The following KIF13B variants were observed in gnomAD, a reference collection of about 807,000 sequenced individuals.
The protein encoded by KIF13B is kinesin family member 13B.
A neutral mutation model predicts 222.0 loss-of-function variants in KIF13B; 127 were observed. That is an observed-to-expected ratio of 0.57 (90% CI 0.50 to 0.66). The LOEUF (loss-of-function observed/expected upper bound fraction) is 0.66. Ranked by LOEUF, KIF13B falls within the 30% of genes least tolerant of loss-of-function variation. The probability of loss-of-function intolerance (pLI) is 0.00; values close to 1 mark genes in which losing one functional copy is unlikely to be tolerated. For synonymous variants in KIF13B, 976 were observed against 919.0 expected (o/e 1.06, Z -1.12); for missense variants, 2,173 against 2,379.0 (o/e 0.91, Z 1.80).
At chr8:29,148,858 T>A in intron 15 of KIF13B, 91 bp from the exon 16 acceptor site, 1 of 978,210 alleles carries the variant, frequency 1.0e-6, no homozygotes, top group South Asian at 1.8e-5. Context: ...AGAAGCCAAG[T>A]GGATACCATG....
At chr8:29,104,040 T>C (rs1218238287) in intron 35 of KIF13B, among the ~76,000 whole-genome samples, 1 of 152,034 alleles carries the variant, frequency 6.6e-6, no homozygotes, top group Non-Finnish European at 1.5e-5. Flanking sequence ...GATGGAGTCC[T>C]TCCTAAAACA....
At chr8:29,177,015 A>T (rs1038920230) in intron 9 of KIF13B, among the ~76,000 whole-genome samples, 1 of 152,350 alleles carries the variant, frequency 6.6e-6, no homozygotes, top group East Asian at 1.9e-4. Context: ...ACTCTGAGAG[A>T]CCAATTAGCT....
intron 1 of KIF13B, among the ~76,000 whole-genome samples, chr8:29,247,343 G>A (rs1411590374): frequency 6.6e-6 from 1 of 152,170 alleles, no homozygotes; most frequent in Non-Finnish European, 1.5e-5. Context: ...AGCTATGAGT[G>A]TGCCACTGCA....
In KIF13B at chr8:29,126,468, A is replaced by T; in HGVS notation, c.3252+14T>A. 1 of 1,510,650 alleles carries T rather than the reference A, an allele frequency of 6.6e-7. No individual in the cohort carries two copies. Among genetic ancestry groups the T allele is most frequent in the African/African-American group, 1.4e-5 (1 of 73,434 alleles). 93.6% of individuals were successfully genotyped at this position (1,510,650 alleles called of 1,614,324 possible). A position where few individuals can be genotyped will look rare whatever the true frequency, so the allele number is the denominator to read the frequency against. On this transcript the variant is annotated intron_variant, in intron 26 of 39. Coordinates refer to ENST00000524189, the MANE Select transcript of KIF13B (RefSeq NM_015254.4). ...CATGCTTATTTGAGATGAGATTAAC[A>T]GGTGCTAAATTACCTGGTAGCTGTC... is the stretch of plus-strand genomic sequence containing the variant.
At chr8:29,099,361 C>T (rs1808687061) in intron 35 of KIF13B, 120 bp from the exon 36 acceptor site, 1 of 681,820 alleles carries the variant, frequency 1.5e-6, no homozygotes, top group Non-Finnish European at 2.5e-6. Context: ...TGAATATAAG[C>T]TTGATTACAT....
chr8:29,083,229 T>G (rs536912930), intron 37 of KIF13B, among the ~76,000 whole-genome samples: 19 of 152,302 alleles, frequency 1.2e-4, no homozygotes, highest in Admixed American at 2.0e-4. Flanking sequence ...CAAAAGAATA[T>G]TTCATAACAT....
intron 1 of KIF13B, among the ~76,000 whole-genome samples, chr8:29,255,291 C>G (rs562140740): frequency 5.3e-5 from 8 of 152,144 alleles, no homozygotes; most frequent in African/African-American, 1.4e-4. Flanking sequence ...ATCTAAAAAC[C>G]AAGAAGAAAA....
intron 1 of KIF13B, among the ~76,000 whole-genome samples, chr8:29,257,136 G>C (rs1168800304): frequency 6.6e-6 from 1 of 152,120 alleles, no homozygotes; most frequent in Admixed American, 6.5e-5. Flanking sequence ...CAAATAGAAA[G>C]TTGTCAAAAA....
At chr8:29,092,372 TAAAATTGTTTGAA>T (rs1808339692) in intron 37 of KIF13B, among the ~76,000 whole-genome samples, 1 of 152,210 alleles carries the variant, frequency 6.6e-6, no homozygotes. Context: ...ACTCATGATA[TAAAATTGTTTGAA>T]AAAACAAATG....
intron 37 of KIF13B, among the ~76,000 whole-genome samples, 164 bp downstream of exon 37, chr8:29,092,581 A>G (rs1808348155): frequency 1.3e-5 from 2 of 152,190 alleles, no homozygotes; most frequent in African/African-American, 2.4e-5. Flanking sequence ...CAGCTCTGTT[A>G]TCTCTGAAGA....
At chr8:29,129,192 T>C (rs1183258270) in intron 24 of KIF13B, among the ~76,000 whole-genome samples, 1 of 152,228 alleles carries the variant, frequency 6.6e-6, no homozygotes, top group Admixed American at 6.5e-5. Flanking sequence ...TTGAACACTT[T>C]TAGTAAAGGG....
At chr8:29,150,261 C>T in intron 15 of KIF13B, 36 bp downstream of exon 15, 5 of 1,168,718 alleles carry the variant, frequency 4.3e-6, no homozygotes, top group Non-Finnish European at 6.3e-6. Flanking sequence ...GCACAATCTT[C>T]AACAATCTCT....
chr8:29,155,991 C>CA (rs1188771913), intron 13 of KIF13B, 135 bp from the exon 14 acceptor site: 2 of 613,362 alleles, frequency 3.3e-6, no homozygotes, highest in Non-Finnish European at 5.5e-6. Flanking sequence ...ATTTTTGAGA[C>CA]AGAGTCTTGC....
At chr8:29,176,761 A>G (rs1029746660) in intron 9 of KIF13B, among the ~76,000 whole-genome samples, 7 of 151,918 alleles carry the variant, frequency 4.6e-5, no homozygotes, top group African/African-American at 1.7e-4. Flanking sequence ...CTGACCCAAA[A>G]CAGCAATAGG....
At chr8:29,078,008 C>A (rs2133491036) in intron 37 of KIF13B, among the ~76,000 whole-genome samples, 1 of 151,136 alleles carries the variant, frequency 6.6e-6, no homozygotes, top group African/African-American at 2.4e-5. Context: ...GGAGGCCAGG[C>A]ACGGTGGTTC....
intron 12 of KIF13B, among the ~76,000 whole-genome samples, chr8:29,163,136 C>T (rs763103482): frequency 5.3e-5 from 8 of 152,128 alleles, no homozygotes; most frequent in Non-Finnish European, 1.0e-4. Flanking sequence ...TGTGGTATAG[C>T]AGATATGGCA....
At chr8:29,231,999 C>CAAA (rs1815306084) in intron 2 of KIF13B, among the ~76,000 whole-genome samples, 1 of 152,114 alleles carries the variant, frequency 6.6e-6, no homozygotes, top group South Asian at 2.1e-4. Flanking sequence ...GTCATGCCTA[C>CAAA]AATCTCAACA....
At position 29,076,712 on chromosome 8, in the gene KIF13B, A is replaced by G. The variant is rs374921954; in HGVS notation, c.4459-1369T>C. On this transcript the variant is annotated intron_variant, in intron 37 of 39. Transcript: ENST00000524189. ...GGGCTGCTTTTGGAAGAAAAGTATAAGAGGGAATTGATTCCACAGAAGGTA... is the reference window on the plus strand; with the variant it reads ...GGGCTGCTTTTGGAAGAAAAGTATAGGAGGGAATTGATTCCACAGAAGGTA... Among the ~76,000 whole-genome samples, 7 of 152,354 alleles carry G rather than the reference A, an allele frequency of 4.6e-5. No homozygotes were observed. In the South Asian group the frequency reaches 6.2e-4, roughly 14 times the overall value.
At position 29,123,369 on chromosome 8, in the gene KIF13B, T is replaced by C. The variant is rs1452476271; in HGVS notation, c.3476A>G (p.Glu1159Gly). The C allele has an allele frequency of 1.2e-6, 2 of 1,613,758 alleles. No individual in the cohort carries two copies. The highest frequency in any genetic ancestry group is 1.7e-6 in the Non-Finnish European group (2 of 1,179,918). ...AGSGIPGAPA[E>G]WTPVPGMETH... ...AGACGCACCACAGGGTTCATACCATTCTGCTGGGGCCCCTGGAATACCACT... is the reference window on the plus strand; with the variant it reads ...AGACGCACCACAGGGTTCATACCATCCTGCTGGGGCCCCTGGAATACCACT... The change falls in exon 28 of 40, where the codon GAA (glutamate) becomes GGA (glycine). Residue 1159 changes from glutamate to glycine, a missense_variant. Physicochemically the swap from Glu to Gly is moderately conservative, Grantham distance 98. This residue lies in a region of KIF13B where 1,480 missense variants were observed against 1,722.8 expected (regional missense o/e 0.86). Coordinates refer to ENST00000524189, the MANE Select transcript of KIF13B (RefSeq NM_015254.4).
Sources: gnomAD v4.1 joint callset for allele counts (sites outside exome capture counted in the v4.1 genomes callset) on GRCh38, gnomAD v4.1.1 for gene constraint, gnomAD v4.1.1 regional missense constraint, MANE v1.5 for transcripts, NCBI Gene and HGNC (gene_info 2026-07-23, HGNC 2026-07-21) for gene names.